CALN1: variants seen among roughly 807,000 people sequenced by gnomAD.
CALN1 encodes the protein calcium-binding protein 8.
Under a neutral mutation model 30.6 loss-of-function variants are expected in CALN1, and 17 were observed. That is an observed-to-expected ratio of 0.56 (90% CI 0.38 to 0.83). CALN1 has a LOEUF of 0.83. CALN1 is among the 40% of genes least tolerant of loss of function. The pLI, the probability that CALN1 is intolerant of heterozygous loss-of-function variation, is 0.00. For missense variants in CALN1, 291 were observed against 354.9 expected, an observed-to-expected ratio of 0.82 and a Z score of 1.45; for synonymous variants, 156 against 131.4, an observed-to-expected ratio of 1.19 and a Z score of -1.28.
intron 5 of CALN1, among the ~76,000 whole-genome samples, chr7:71,884,352 A>G (rs1299684427): frequency 6.6e-6 from 1 of 152,128 alleles, no homozygotes; most frequent in Non-Finnish European, 1.5e-5. Context: ...TGGGGGGTGT[A>G]AGCTGCCTGT....
chr7:72,206,994 T>C (rs536640108), intron 3 of CALN1, among the ~76,000 whole-genome samples: 167 of 152,294 alleles, frequency 1.1e-3, no homozygotes, highest in African/African-American at 3.8e-3. Flanking sequence ...CTCCTCTATC[T>C]TTGCTGTAAA....
upstream of CALN1, among the ~76,000 whole-genome samples, chr7:72,414,145 C>T (rs759169129): frequency 1.7e-4 from 26 of 152,004 alleles, no homozygotes; most frequent in Admixed American, 1.6e-3. Context: ...GGAGGCAGAC[C>T]GTGGGAAGAT....
chr7:71,884,346 G>T (rs1398463402), intron 5 of CALN1, among the ~76,000 whole-genome samples: 2 of 152,138 alleles, frequency 1.3e-5, no homozygotes, highest in African/African-American at 4.8e-5. Context: ...GAATCTTGGG[G>T]GGTGTAAGCT....
Position 71,780,982 on chromosome 7 carries a change from T to C in CALN1, c.*6793A>G, listed in dbSNP as rs184610052. On this transcript the variant is annotated 3_prime_UTR_variant, in exon 7 of 7. Coordinates refer to ENST00000395275, the MANE Select transcript of CALN1 (RefSeq NM_031468.4). ...CCTCTTGCCTGCAAGCTGTGACACA[T>C]TTAACATACACCAATTTGCATTGTT... 1.3e-5 allele frequency: 2 copies of C among 152,296 alleles called. No individual in the cohort carries two copies. Among genetic ancestry groups the C allele is most frequent in the Admixed American group, 1.3e-4 (2 of 15,292 alleles). The allele number at this position is 152,296 out of a possible 1,614,324, so 9.4% of individuals were successfully genotyped here.
chr7:71,914,330 T>C (rs1794581972), intron 5 of CALN1, among the ~76,000 whole-genome samples: 1 of 152,184 alleles, frequency 6.6e-6, no homozygotes, highest in Non-Finnish European at 1.5e-5. Context: ...CTGCGTTAGT[T>C]TGCTAAGGAT....
At chr7:72,263,107 TTGTC>T (rs1796378642) in intron 3 of CALN1, among the ~76,000 whole-genome samples, 1 of 152,164 alleles carries the variant, frequency 6.6e-6, no homozygotes, top group Non-Finnish European at 1.5e-5. Context: ...TGGTGGTCCT[TTGTC>T]TGGGTTTGTT....
At chr7:72,175,293 T>C (rs1789270252) in intron 3 of CALN1, among the ~76,000 whole-genome samples, 1 of 152,148 alleles carries the variant, frequency 6.6e-6, no homozygotes, top group African/African-American at 2.4e-5. Context: ...CAGGATGGTC[T>C]CGATCTCCTG....
intron 5 of CALN1, among the ~76,000 whole-genome samples, chr7:71,934,134 A>G (rs1562915231): frequency 6.6e-6 from 1 of 152,234 alleles, no homozygotes; most frequent in African/African-American, 2.4e-5. Flanking sequence ...AGAGGGCTGC[A>G]GGCTGGAACT....
chr7:72,403,372 G>C lies in CALN1; in HGVS notation c.-3C>G. The C allele has an allele frequency of 6.5e-7, 1 of 1,544,290 alleles. No individual in the cohort carries two copies. The highest frequency in any genetic ancestry group is 8.7e-7 in the Non-Finnish European group (1 of 1,145,502). On this transcript the variant is annotated 5_prime_UTR_variant, in exon 2 of 7. Coordinates refer to ENST00000395275, the MANE Select transcript of CALN1 (RefSeq NM_031468.4). Reference sequence around the variant, plus strand: ...CCGGGTTGCTCTGGCAGCCGCATCGGGGGTCCAGGGCGATGTTCTCAGAGA... The same window carrying C: ...CCGGGTTGCTCTGGCAGCCGCATCGCGGGTCCAGGGCGATGTTCTCAGAGA...
chr7:72,471,075 C>T, the CALN1 span, among the ~76,000 whole-genome samples: 1 of 152,284 alleles, frequency 6.6e-6, no homozygotes, highest in Non-Finnish European at 1.5e-5. Context: ...CCACCTCAGC[C>T]TCCCAAGTAG....
intron 2 of CALN1, among the ~76,000 whole-genome samples, chr7:72,282,983 G>A (rs544593196): frequency 1.7e-4 from 25 of 151,202 alleles, no homozygotes; most frequent in African/African-American, 5.8e-4. Context: ...TTGAACCCGG[G>A]AGTGGACGTT....
chr7:72,127,000 T>A (rs967492387), intron 3 of CALN1, among the ~76,000 whole-genome samples: 3 of 151,874 alleles, frequency 2.0e-5, no homozygotes, highest in Admixed American at 1.3e-4. Context: ...AATAAAATTT[T>A]AAAAAATCGT....
At chr7:72,298,000 G>A (rs547493439) in intron 2 of CALN1, among the ~76,000 whole-genome samples, 44 of 152,282 alleles carry the variant, frequency 2.9e-4, no homozygotes, top group African/African-American at 1.1e-3. Context: ...TGTAGATAGT[G>A]CACTCACCAT....
At chr7:72,152,332 T>TCAA (rs1787317744) in intron 3 of CALN1, among the ~76,000 whole-genome samples, 1 of 152,228 alleles carries the variant, frequency 6.6e-6, no homozygotes, top group African/African-American at 2.4e-5. Flanking sequence ...AAGATGACTG[T>TCAA]GGCTTCAAGG....
the CALN1 span, among the ~76,000 whole-genome samples, chr7:72,499,187 C>T: frequency 6.6e-6 from 1 of 151,992 alleles, no homozygotes; most frequent in Admixed American, 6.6e-5. Context: ...CCTGCCACCA[C>T]ACCTAGCTAA....
At chr7:72,142,407 C>T (rs372263206) in intron 3 of CALN1, among the ~76,000 whole-genome samples, 59 of 152,284 alleles carry the variant, frequency 3.9e-4, no homozygotes, top group Admixed American at 2.5e-3. Flanking sequence ...AACTACAACG[C>T]GGCAGCGAGC....
At chr7:71,956,255 T>C (rs191392881) in intron 5 of CALN1, among the ~76,000 whole-genome samples, 56 of 152,142 alleles carry the variant, frequency 3.7e-4, no homozygotes, top group African/African-American at 1.3e-3. Context: ...CCCAAAGTGC[T>C]GGGATTATAG....
intron 2 of CALN1, among the ~76,000 whole-genome samples, chr7:72,306,880 G>A (rs1799691512): frequency 1.3e-5 from 2 of 152,118 alleles, no homozygotes; most frequent in Admixed American, 6.6e-5. Flanking sequence ...ATTTGGCTCA[G>A]AATAAATCTT....
intron 3 of CALN1, among the ~76,000 whole-genome samples, chr7:72,233,615 G>C (rs183496147): frequency 1.8e-4 from 27 of 152,186 alleles, no homozygotes; most frequent in African/African-American, 6.5e-4. Flanking sequence ...GCTACTTGGA[G>C]GGCTGAGGCA....
Sources: gnomAD v4.1 joint callset for allele counts (sites outside exome capture counted in the v4.1 genomes callset) on GRCh38, gnomAD v4.1.1 for gene constraint, MANE v1.5 for transcripts, NCBI Gene and HGNC (gene_info 2026-07-23, HGNC 2026-07-21) for gene names.